The following G3BP2 variants were observed in gnomAD, a reference collection of about 807,000 sequenced individuals.
The protein encoded by G3BP2 is ras GTPase-activating protein-binding protein 2.
In G3BP2, 11 loss-of-function variants were observed where a neutral mutation model predicts 56.7. That is an observed-to-expected ratio of 0.19 (90% CI 0.12 to 0.32). The LOEUF (loss-of-function observed/expected upper bound fraction) is 0.32, where lower values mean the gene tolerates loss of function less well. Ranked by LOEUF, G3BP2 falls within the 10% of genes least tolerant of loss-of-function variation. G3BP2 has a pLI of 1.00. For synonymous variants in G3BP2, 165 were observed against 191.6 expected (o/e 0.86, Z 1.15); for missense variants, 340 against 610.9 (o/e 0.56, Z 4.67).
chr4:75,647,789 C>A (rs1202251190), intron 9 of G3BP2, among the ~76,000 whole-genome samples: 1 of 152,174 alleles, frequency 6.6e-6, no homozygotes, highest in African/African-American at 2.4e-5. Context: ...TTTAGGACTT[C>A]TAGTTTGGTA....
chr4:75,710,585 T>G (rs939087467), intron 3 of G3BP2, among the ~76,000 whole-genome samples: 1 of 152,328 alleles, frequency 6.6e-6, no homozygotes, highest in South Asian at 2.1e-4. Context: ...CCCAGTGGCA[T>G]AGTAGCTGCT....
chr4:75,675,576 T>C (rs1301699536), upstream of G3BP2, among the ~76,000 whole-genome samples: 1 of 152,186 alleles, frequency 6.6e-6, no homozygotes, highest in Non-Finnish European at 1.5e-5. Flanking sequence ...GCGGATCACC[T>C]GAGGTCAGGA....
At chr4:75,723,759 T>C (rs1720278252) in intron 1 of G3BP2, among the ~76,000 whole-genome samples, 1 of 151,998 alleles carries the variant, frequency 6.6e-6, no homozygotes, top group African/African-American at 2.4e-5. Flanking sequence ...AGGGGAGAGG[T>C]GCATGAGTCA....
chr4:75,696,729 A>C (rs769284727), intron 3 of G3BP2, among the ~76,000 whole-genome samples: 1 of 152,202 alleles, frequency 6.6e-6, no homozygotes, highest in Admixed American at 6.5e-5. Flanking sequence ...GTCGTCATGG[A>C]AAGAGGACTA....
At position 75,673,033 on chromosome 4, in the gene G3BP2, G is replaced by A. The variant is rs554895706; in HGVS notation, c.-25+175C>T. Reference sequence around the variant, plus strand: ...CCACCCCTCACCTAGAGGAAAGACTGGTCTTCTCTCACGCACACACGGCAC... The same window carrying A: ...CCACCCCTCACCTAGAGGAAAGACTAGTCTTCTCTCACGCACACACGGCAC... On this transcript the variant is annotated intron_variant, in intron 1 of 11. Transcript: ENST00000359707. 23 of 991,814 alleles carry A rather than the reference G, an allele frequency of 2.3e-5. No homozygotes were observed. The African/African-American group carries it at 3.1e-4, about 13-fold the overall frequency. The allele number at this position is 991,814 out of a possible 1,614,324, so 61.4% of individuals were successfully genotyped here.
Position 75,653,992 on chromosome 4 carries a change from T to G in G3BP2, c.816A>C (p.Pro272=). 6.7e-7 allele frequency: 1 copy of G among 1,500,472 alleles called. No homozygotes were observed. The highest frequency in any genetic ancestry group is 9.3e-7 in the Non-Finnish European group (1 of 1,076,566). 92.9% of individuals were successfully genotyped at this position (1,500,472 alleles called of 1,614,324 possible). A position where few individuals can be genotyped will look rare whatever the true frequency, so the allele number is the denominator to read the frequency against. Residue 272 remains proline (P), a synonymous_variant, in exon 8 of 12, where the codon CCA becomes CCC. Coordinates refer to ENST00000359707, the MANE Select transcript of G3BP2 (RefSeq NM_203505.3). ...SSGIPPHVKA[P]VSQPRVEAKP... is the part of the protein sequence containing the mutation. Reference sequence around the variant, plus strand: ...TTCACAGATTGGTTACCTGTGAGACTGGTGCTTTAACATGGGGTGGAATTC... The same window carrying G: ...TTCACAGATTGGTTACCTGTGAGACGGGTGCTTTAACATGGGGTGGAATTC...
intron 3 of G3BP2, among the ~76,000 whole-genome samples, chr4:75,682,330 C>T (rs1734111498): frequency 6.6e-6 from 1 of 151,636 alleles, no homozygotes; most frequent in Admixed American, 6.6e-5. Context: ...GCAGGAAAAT[C>T]CCTTGAACCA....
chr4:75,673,440 T>A, upstream of G3BP2: 7 of 1,224,840 alleles, frequency 5.7e-6, no homozygotes, highest in Non-Finnish European at 7.1e-6. Flanking sequence ...CGCCCCCTCT[T>A]ATTGTTTTAC....
At chr4:75,683,654 T>C (rs972711083) in intron 3 of G3BP2, among the ~76,000 whole-genome samples, 8 of 152,204 alleles carry the variant, frequency 5.3e-5, no homozygotes, top group Non-Finnish European at 1.2e-4. Flanking sequence ...CCTGCTGGAC[T>C]GCCACTCTGA....
Position 75,653,102 on chromosome 4 carries a change from G to GAA in G3BP2, c.825+879_825+880dup, listed in dbSNP as rs757052448. Among the ~76,000 whole-genome samples the GAA allele has an allele frequency of 2.5e-5, 3 of 121,300 alleles. No individual in the cohort carries two copies. The Admixed American group carries it at 2.5e-4, about 10-fold the overall frequency. 79.6% of individuals were successfully genotyped at this position (121,300 alleles called of 152,430 possible). On this transcript the variant is annotated intron_variant, in intron 8 of 11. Coordinates refer to ENST00000359707, the MANE Select transcript of G3BP2 (RefSeq NM_203505.3). The stretch of plus-strand genomic sequence containing the variant: ...CCACGCATTGCCTGAATACCCAAAT[G>GAA]AAAAAAAAAAAAAAGTATCACGGGC...
chr4:75,663,258 T>G (rs1732712358), intron 1 of G3BP2, among the ~76,000 whole-genome samples: 1 of 152,080 alleles, frequency 6.6e-6, no homozygotes, highest in Non-Finnish European at 1.5e-5. Context: ...AAATACAATT[T>G]CCTATTTTTG....
chr4:75,667,904 C>G (rs1361149694), intron 1 of G3BP2, among the ~76,000 whole-genome samples: 1 of 152,014 alleles, frequency 6.6e-6, no homozygotes, highest in Admixed American at 6.6e-5. Flanking sequence ...AACAAAAAAC[C>G]GAAAACATTA....
chr4:75,661,065 C>A (rs969435072), intron 2 of G3BP2, among the ~76,000 whole-genome samples: 1 of 152,094 alleles, frequency 6.6e-6, no homozygotes, highest in Non-Finnish European at 1.5e-5. Flanking sequence ...TTTGGGAGAA[C>A]TTTAAAAAAA....
intron 4 of G3BP2, 41 bp downstream of exon 4, chr4:75,657,516 G>A (rs1732209039): frequency 2.1e-6 from 3 of 1,461,526 alleles, no homozygotes; most frequent in Admixed American, 2.0e-5. Context: ...CAACCAACTA[G>A]CAACCATATA....
Position 75,654,009 on chromosome 4 carries a change from G to A in G3BP2, c.799C>T (p.Pro267Ser), listed in dbSNP as rs1731904928. The A allele has an allele frequency of 1.9e-6, 3 of 1,575,412 alleles. No individual in the cohort carries two copies. The highest frequency in any genetic ancestry group is 2.2e-5 in the East Asian group (1 of 44,686). Residue 267 changes from proline to serine, a missense_variant, in exon 8 of 12, where the codon CCC (proline) becomes TCC (serine). This residue lies in a region of G3BP2 where 224 missense variants were observed against 332.5 expected (regional missense o/e 0.67). Coordinates refer to ENST00000359707, the MANE Select transcript of G3BP2 (RefSeq NM_203505.3). Reference protein sequence around the residue: ...SGTVSSSGIPPHVKAPVSQPR... With the variant: ...SGTVSSSGIPSHVKAPVSQPR... ...TGTGAGACTGGTGCTTTAACATGGG[G>A]TGGAATTCCAGAGGAAGAAACAGTA... is the stretch of plus-strand genomic sequence containing the variant.
At chr4:75,658,519 T>C (rs910846175) in intron 3 of G3BP2, among the ~76,000 whole-genome samples, 35 of 150,986 alleles carry the variant, frequency 2.3e-4, no homozygotes, top group Admixed American at 1.7e-3. Context: ...TCACCTGAGG[T>C]TGGGAGTTCG....
In G3BP2 at chr4:75,643,315, A is replaced by ATATATATATATATATATG. The variant is rs1166357883; in HGVS notation, c.*2114_*2115insCATATATATATATATATA. On this transcript the variant is annotated 3_prime_UTR_variant, in exon 12 of 12. Transcript: ENST00000359707. ...GGAAATTATATATATATATATATAT[A>ATATATATATATATATATG]TGGAAACAGAAATACAAGAAAATAT... is the stretch of plus-strand genomic sequence containing the variant. The ATATATATATATATATATG allele has an allele frequency of 7.4e-6, 1 of 135,606 alleles. No homozygotes were observed. The highest frequency in any genetic ancestry group is 1.6e-5 in the Non-Finnish European group (1 of 61,910). 8.4% of individuals were successfully genotyped at this position (135,606 alleles called of 1,614,324 possible).
intron 8 of G3BP2, 91 bp downstream of exon 8, chr4:75,653,892 T>C (rs940986636): frequency 4.5e-6 from 3 of 665,976 alleles, no homozygotes; most frequent in Non-Finnish European, 8.2e-6. Flanking sequence ...TAATCCATAA[T>C]TTCTGATTGA....
At chr4:75,654,652 A>C (rs1731948344) in intron 7 of G3BP2, among the ~76,000 whole-genome samples, 1 of 152,218 alleles carries the variant, frequency 6.6e-6, no homozygotes, top group African/African-American at 2.4e-5. Flanking sequence ...TAGAAAGGAA[A>C]CTGATCCCAT....
Sources: gnomAD v4.1 joint callset for allele counts (sites outside exome capture counted in the v4.1 genomes callset) on GRCh38, gnomAD v4.1.1 for gene constraint, gnomAD v4.1.1 regional missense constraint, MANE v1.5 for transcripts, NCBI Gene and HGNC (gene_info 2026-07-23, HGNC 2026-07-21) for gene names.